TMEM243: variants seen among roughly 807,000 people sequenced by gnomAD.
TMEM243 encodes transmembrane protein 243, also known as MDR1 and mitochondrial taxol resistance associated.
A neutral mutation model predicts 15.0 loss-of-function variants in TMEM243; 20 were observed. The observed-to-expected ratio is 1.33, with a 90% CI of 0.94 to 1.93. The LOEUF is 1.93. Ranked by LOEUF, TMEM243 falls within the 30% of genes most tolerant of loss-of-function variation. The pLI, the probability that TMEM243 is intolerant of heterozygous loss-of-function variation, is 0.00. For synonymous variants in TMEM243, 72 were observed against 52.7 expected (o/e 1.37, Z -1.59); for missense variants, 156 against 142.1 (o/e 1.10, Z -0.50).
intron 2 of TMEM243, chr7:87,198,759 T>G (rs1801568006): frequency 2.0e-6 from 1 of 490,836 alleles, no homozygotes; most frequent in Non-Finnish European, 3.6e-6. Context: ...CTGACATTTT[T>G]ACAAATTTAC....
chr7:87,209,803 CGAGAGACAGT>C (rs1802583931), intron 1 of TMEM243, among the ~76,000 whole-genome samples: 1 of 51,496 alleles, frequency 1.9e-5, no homozygotes, highest in Non-Finnish European at 4.0e-5. Flanking sequence ...CGAGACAGAG[CGAGAGACAGT>C]GAGAGAGCGA....
At chr7:87,198,943 A>G (rs1033599944) in intron 2 of TMEM243, 64 bp downstream of exon 2, 1 of 1,413,104 alleles carries the variant, frequency 7.1e-7, no homozygotes, top group East Asian at 2.6e-5. Flanking sequence ...AAAGTTAACC[A>G]TAATTGATAA....
At position 87,210,690 on chromosome 7, in the gene TMEM243, C is replaced by T. The variant is rs572865336; in HGVS notation, c.78+8736G>A. The stretch of plus-strand genomic sequence containing the variant: ...AGGAGTGGGCTCCTAAGGCCTTGAG[C>T]AACTCCACATGGCCCTGTGGTTCTG... On this transcript the variant is annotated intron_variant, in intron 1 of 3. Transcript: ENST00000257637. Among the ~76,000 whole-genome samples, 275 of 152,358 alleles carry T rather than the reference C, an allele frequency of 1.8e-3. 1 individual carries two copies. Among genetic ancestry groups the T allele is most frequent in the African/African-American group, 6.1e-3 (252 of 41,596 alleles).
chr7:87,204,312 C>A (rs1802045152), intron 1 of TMEM243, among the ~76,000 whole-genome samples: 1 of 152,158 alleles, frequency 6.6e-6, no homozygotes, highest in South Asian at 2.1e-4. Context: ...CACACAATTT[C>A]ATCCCTGGCC....
chr7:87,196,592 G>A lies in TMEM243; in HGVS notation c.*44C>T, dbSNP rs1801262884. On this transcript the variant is annotated 3_prime_UTR_variant, in exon 4 of 4. Coordinates refer to ENST00000257637, the MANE Select transcript of TMEM243 (RefSeq NM_024315.4). ...TCCAAAAATTACTCACTGTCCTAAT[G>A]TATCATTTTGAAGAGTCCTGGTAAG... is the stretch of plus-strand genomic sequence containing the variant. 6.3e-7 allele frequency: 1 copy of A among 1,578,434 alleles called. No homozygotes were observed. Among genetic ancestry groups the A allele is most frequent in the South Asian group, 1.2e-5 (1 of 83,504 alleles).
chr7:87,219,162 C>G (rs1254397374), intron 1 of TMEM243, among the ~76,000 whole-genome samples: 3 of 152,142 alleles, frequency 2.0e-5, no homozygotes, highest in Non-Finnish European at 4.4e-5. Context: ...GGAGGGGGTT[C>G]CCGCACTCCC....
intron 1 of TMEM243, chr7:87,218,766 A>G (rs1803283502): frequency 6.6e-6 from 1 of 152,156 alleles, no homozygotes; most frequent in Admixed American, 6.5e-5. Flanking sequence ...TGCCCAAACT[A>G]CTCAGAAAGT....
intron 1 of TMEM243, among the ~76,000 whole-genome samples, chr7:87,206,420 T>A (rs1045905967): frequency 2.6e-5 from 4 of 152,214 alleles, no homozygotes; most frequent in African/African-American, 4.8e-5. Context: ...TGGCATTTAA[T>A]GATGGGAAAG....
At chr7:87,201,940 C>G (rs1394958231) in intron 1 of TMEM243, among the ~76,000 whole-genome samples, 1 of 152,128 alleles carries the variant, frequency 6.6e-6, no homozygotes, top group African/African-American at 2.4e-5. Context: ...GCTGAGAGGA[C>G]AGGATACAGA....
Position 87,219,643 on chromosome 7 carries a change from A to G in TMEM243, c.-140T>C. The G allele has an allele frequency of 1.4e-6, 1 of 718,700 alleles. No homozygotes were observed. The highest frequency in any genetic ancestry group is 2.4e-6 in the Non-Finnish European group (1 of 420,526). 44.5% of individuals were successfully genotyped at this position (718,700 alleles called of 1,614,324 possible). A position where few individuals can be genotyped will look rare whatever the true frequency, so the allele number is the denominator to read the frequency against. ...GAGTGGTCGGGGAAGCGCTGGCGCC[A>G]GGGATGGGTGGGGGCTCACACGCGG... is the stretch of plus-strand genomic sequence containing the variant. On this transcript the variant is annotated 5_prime_UTR_variant, in exon 1 of 4. Coordinates refer to ENST00000257637, the MANE Select transcript of TMEM243 (RefSeq NM_024315.4).
chr7:87,196,639 C>T lies in TMEM243; in HGVS notation c.354G>A (p.Arg118=), dbSNP rs1411906606. The T allele has an allele frequency of 2.5e-6, 4 of 1,608,388 alleles. No individual in the cohort carries two copies. The highest frequency in any genetic ancestry group is 1.1e-5 in the South Asian group (1 of 89,760). Residue 118 remains arginine, a synonymous_variant, in exon 4 of 4, where the codon AGG becomes AGA. Transcript: ENST00000257637. Reference sequence around the variant, plus strand: ...TAAGTACTTCTCCTTGGCAGCCTCACCTTCCCACATCATGGAAGTACAGGT... The same window carrying T: ...TAAGTACTTCTCCTTGGCAGCCTCATCTTCCCACATCATGGAAGTACAGGT... ...CANLYFHDVG[R]
intron 1 of TMEM243, among the ~76,000 whole-genome samples, chr7:87,208,759 G>T (rs1400564983): frequency 6.6e-6 from 1 of 152,170 alleles, no homozygotes; most frequent in Non-Finnish European, 1.5e-5. Flanking sequence ...TTTGCAGCCT[G>T]GCATCAGCCT....
intron 1 of TMEM243, among the ~76,000 whole-genome samples, chr7:87,215,831 G>T (rs890578281): frequency 2.6e-5 from 4 of 152,242 alleles, no homozygotes; most frequent in South Asian, 2.1e-4. Context: ...AACACCTTTC[G>T]TTTTTTGTCT....
chr7:87,209,831 TGA>T (rs1252787697), intron 1 of TMEM243, among the ~76,000 whole-genome samples: 7 of 72,496 alleles, frequency 9.7e-5, no homozygotes, highest in East Asian at 3.9e-4. Flanking sequence ...CGAGAGACAG[TGA>T]GAGAGAGACA....
chr7:87,200,433 GAC>G (rs777564126), intron 1 of TMEM243, among the ~76,000 whole-genome samples: 101 of 152,230 alleles, frequency 6.6e-4, no homozygotes, highest in Non-Finnish European at 1.1e-3. Flanking sequence ...TGTGTAGAGA[GAC>G]AAAATCCATG....
intron 3 of TMEM243, 78 bp downstream of exon 3, chr7:87,197,863 C>G: frequency 6.2e-7 from 1 of 1,604,218 alleles, no homozygotes; most frequent in African/African-American, 1.3e-5. Flanking sequence ...TTGTATAGAC[C>G]CAAGGCTGAA....
rs1801257467 is a variant in TMEM243, at chr7:87,196,560, T to C, written c.*76A>G. On this transcript the variant is annotated 3_prime_UTR_variant, in exon 4 of 4. Transcript: ENST00000257637. ...GACTTCTGCAGGAGATTCTTCAGCA[T>C]ACCTTATCCAAAAATTACTCACTGT... 6.9e-7 allele frequency: 1 copy of C among 1,439,458 alleles called. No individual in the cohort carries two copies. Among genetic ancestry groups the C allele is most frequent in the Non-Finnish European group, 9.4e-7 (1 of 1,059,994 alleles). The allele number at this position is 1,439,458 out of a possible 1,614,324, so 89.2% of individuals were successfully genotyped here.
rs143848001 is a variant in TMEM243, at chr7:87,199,032, C to A, written c.104G>T (p.Gly35Val). 1.9e-6 allele frequency: 3 copies of A among 1,605,592 alleles called. No individual in the cohort carries two copies. Among genetic ancestry groups the A allele is most frequent in the Non-Finnish European group, 2.5e-6 (3 of 1,177,152 alleles). The change falls in exon 2 of 4, where the codon GGC becomes GTC. Residue 35 changes from glycine to valine, a missense_variant. Coordinates refer to ENST00000257637, the MANE Select transcript of TMEM243 (RefSeq NM_024315.4). Reference sequence around the variant, plus strand: ...TAGAATCAATAAGGATGTTAAGCTGCCAACAACTAAATTGATGATTCGATC... The same window carrying A: ...TAGAATCAATAAGGATGTTAAGCTGACAACAACTAAATTGATGATTCGATC... ...AKDRIINLVVGSLTSLLILVT... is the reference protein window; with the variant it reads ...AKDRIINLVVVSLTSLLILVT...
intron 1 of TMEM243, among the ~76,000 whole-genome samples, chr7:87,203,680 C>T (rs1363090961): frequency 6.6e-6 from 1 of 151,564 alleles, no homozygotes; most frequent in Non-Finnish European, 1.5e-5. Flanking sequence ...AGATTTCTGA[C>T]AGCCAAGTGG....
Sources: allele counts gnomAD v4.1 joint callset (sites outside exome capture counted in the v4.1 genomes callset), GRCh38; gene constraint gnomAD v4.1.1; transcripts MANE v1.5; gene names NCBI Gene and HGNC (gene_info 2026-07-23, HGNC 2026-07-21).